Variants in ZNF92 observed in about 807,000 individuals in gnomAD.
ZNF92 encodes zinc finger protein 92, also known as epididymis luminal protein 203.
Under a neutral mutation model 12.4 loss-of-function variants are expected in ZNF92, and 11 were observed. The ratio of observed to expected loss-of-function variants is 0.89; its 90% confidence interval spans 0.56 to 1.47. ZNF92 has a LOEUF of 1.47. Ranked by LOEUF, ZNF92 falls within the 40% of genes most tolerant of loss-of-function variation. The pLI is 0.00. For missense variants in ZNF92, 622 were observed against 681.0 expected (o/e 0.91, Z 0.96); for synonymous variants, 206 against 228.6 (o/e 0.90, Z 0.89).
intron 3 of ZNF92, among the ~76,000 whole-genome samples, chr7:65,392,682 A>G (rs943744248): frequency 3.3e-5 from 5 of 151,724 alleles, no homozygotes; most frequent in African/African-American, 9.7e-5. Flanking sequence ...GATTACAGGC[A>G]TGTGCTACCA....
At chr7:65,392,242 TG>T (rs1320476091) in intron 3 of ZNF92, among the ~76,000 whole-genome samples, 1 of 152,046 alleles carries the variant, frequency 6.6e-6, no homozygotes, top group East Asian at 1.9e-4. Context: ...TTTGTCTAAG[TG>T]AGTAGTCATG....
chr7:65,400,122 A>G lies in ZNF92; in HGVS notation c.*247A>G, dbSNP rs1439136935. ...GAAAAATTGTATAAAGAATATGGAAAAGCCATTTATATCTGCTCACATGTA... is the reference window on the plus strand; with the variant it reads ...GAAAAATTGTATAAAGAATATGGAAGAGCCATTTATATCTGCTCACATGTA... On this transcript the variant is annotated 3_prime_UTR_variant, in exon 4 of 4. Transcript: ENST00000328747. The G allele has an allele frequency of 2.3e-5, 8 of 345,724 alleles. No individual in the cohort carries two copies. The highest frequency in any genetic ancestry group is 1.6e-5 in the Non-Finnish European group (3 of 191,904). 21.4% of individuals were successfully genotyped at this position (345,724 alleles called of 1,614,324 possible).
intron 3 of ZNF92, among the ~76,000 whole-genome samples, 192 bp from the exon 4 acceptor site, chr7:65,398,149 A>G (rs113502882): frequency 4.9e-4 from 75 of 152,182 alleles, no homozygotes; most frequent in African/African-American, 1.7e-3. Flanking sequence ...TAACTCATTT[A>G]TAGCTTTTCC....
chr7:65,380,169 A>T (rs1793367732), intron 1 of ZNF92, among the ~76,000 whole-genome samples: 1 of 152,116 alleles, frequency 6.6e-6, no homozygotes, highest in South Asian at 2.1e-4. Flanking sequence ...AGCTCCATCC[A>T]TGTTGCTGCA....
intron 1 of ZNF92, among the ~76,000 whole-genome samples, chr7:65,381,061 T>C (rs1010398417): frequency 6.6e-6 from 1 of 152,106 alleles, no homozygotes; most frequent in Non-Finnish European, 1.5e-5. Flanking sequence ...TTATCCAGGC[T>C]GGAGTGCAGT....
At chr7:65,394,680 G>A (rs529846473) in intron 3 of ZNF92, among the ~76,000 whole-genome samples, 4 of 151,998 alleles carry the variant, frequency 2.6e-5, no homozygotes, top group South Asian at 2.1e-4. Context: ...ACGTTGTTTC[G>A]CTCTTGTTGC....
chr7:65,380,955 A>C (rs1178129512), intron 1 of ZNF92, among the ~76,000 whole-genome samples: 3 of 151,816 alleles, frequency 2.0e-5, no homozygotes, highest in Non-Finnish European at 4.4e-5. Context: ...GCATCTCTCT[A>C]ATGATTAGTG....
chr7:65,377,606 G>A (rs916330495), intron 1 of ZNF92, among the ~76,000 whole-genome samples: 7 of 82,852 alleles, frequency 8.4e-5, no homozygotes, highest in African/African-American at 2.8e-4. Flanking sequence ...GCACTGGCGC[G>A]ATCTAGACTC....
At chr7:65,388,112 C>T in intron 2 of ZNF92, 84 bp downstream of exon 2, 1 of 1,443,808 alleles carries the variant, frequency 6.9e-7, no homozygotes, top group Non-Finnish European at 9.3e-7. Context: ...GTAATTTATG[C>T]TTTGCATAAA....
chr7:65,389,896 A>G (rs1160834820), intron 3 of ZNF92, among the ~76,000 whole-genome samples: 2 of 151,766 alleles, frequency 1.3e-5, no homozygotes, highest in Non-Finnish European at 2.9e-5. Context: ...CAGTGGTGCA[A>G]TCTCGGCTCA....
Position 65,373,897 on chromosome 7 carries a change from T to A in ZNF92, c.-101T>A. 1 of 1,537,958 alleles carries A rather than the reference T, an allele frequency of 6.5e-7. No homozygotes were observed. The highest frequency in any genetic ancestry group is 9.0e-7 in the Non-Finnish European group (1 of 1,111,220). ...GCGCTCCACGTCTAGTCTTCACTGCTCTGCGTCCTGTGCTGATAAAGGCTC... is the reference window on the plus strand; with the variant it reads ...GCGCTCCACGTCTAGTCTTCACTGCACTGCGTCCTGTGCTGATAAAGGCTC... On this transcript the variant is annotated 5_prime_UTR_variant, in exon 1 of 4. Transcript: ENST00000328747.
intron 1 of ZNF92, among the ~76,000 whole-genome samples, chr7:65,382,595 C>T (rs1215852823): frequency 6.6e-6 from 1 of 152,050 alleles, no homozygotes; most frequent in Non-Finnish European, 1.5e-5. Context: ...AGCAATTAAC[C>T]ATTTTACCTC....
intron 3 of ZNF92, among the ~76,000 whole-genome samples, chr7:65,390,932 G>T (rs973513296): frequency 1.3e-5 from 2 of 152,130 alleles, no homozygotes; most frequent in Admixed American, 6.5e-5. Flanking sequence ...AGAAGTTTGG[G>T]ATGGTTGCAG....
At chr7:65,383,477 A>G (rs1462673374) in intron 1 of ZNF92, among the ~76,000 whole-genome samples, 2 of 152,184 alleles carry the variant, frequency 1.3e-5, no homozygotes, top group Non-Finnish European at 2.9e-5. Flanking sequence ...TGAGATGTCA[A>G]CATAGACATC....
chr7:65,387,358 C>T (rs973968665), intron 1 of ZNF92, among the ~76,000 whole-genome samples: 1 of 152,020 alleles, frequency 6.6e-6, no homozygotes, highest in Non-Finnish European at 1.5e-5. Context: ...TGAAGGCTCT[C>T]GTCTTTGTTT....
chr7:65,380,074 GTGT>G (rs950777469), intron 1 of ZNF92, among the ~76,000 whole-genome samples: 12 of 151,984 alleles, frequency 7.9e-5, no homozygotes, highest in Non-Finnish European at 1.6e-4. Context: ...TTGTCTCCAT[GTGT>G]TGTTGTTATT....
chr7:65,380,715 A>C (rs1246283913), intron 1 of ZNF92, among the ~76,000 whole-genome samples: 2 of 152,094 alleles, frequency 1.3e-5, no homozygotes, highest in Admixed American at 6.6e-5. Flanking sequence ...GTATATACCT[A>C]ATTAGGAGGT....
chr7:65,397,395 A>G (rs56324757), intron 3 of ZNF92, among the ~76,000 whole-genome samples: 1 of 138,202 alleles, frequency 7.2e-6, no homozygotes, highest in Non-Finnish European at 1.7e-5. Flanking sequence ...TATTTTGAAT[A>G]TTTTTGTTAT....
At position 65,387,891 on chromosome 7, in the gene ZNF92, GTGT is replaced by G; in HGVS notation, c.4-9_4-7del. 6.3e-7 allele frequency: 1 copy of G among 1,590,686 alleles called. No individual in the cohort carries two copies. Among genetic ancestry groups the G allele is most frequent in the Admixed American group, 1.8e-5 (1 of 56,570 alleles). Reference sequence around the variant, plus strand: ...CATATGTGTGTTTGTGTGTGTGTGTGTGTTTTTCAGGGACCACTGACATTTAGG... The same window carrying G: ...CATATGTGTGTTTGTGTGTGTGTGTGTTTTCAGGGACCACTGACATTTAGG... On this transcript the variant is annotated splice_polypyrimidine_tract_variant and splice_region_variant and intron_variant, in intron 1 of 3. Coordinates refer to ENST00000328747, the MANE Select transcript of ZNF92 (RefSeq NM_152626.4).
Sources: gnomAD v4.1 joint callset for allele counts (sites outside exome capture counted in the v4.1 genomes callset) on GRCh38, gnomAD v4.1.1 for gene constraint, MANE v1.5 for transcripts, NCBI Gene and HGNC (gene_info 2026-07-23, HGNC 2026-07-21) for gene names.